BEAN1: variants seen among roughly 807,000 people sequenced by gnomAD.
BEAN1 encodes the protein brain expressed associated with NEDD4 1.
Under a neutral mutation model 17.7 loss-of-function variants are expected in BEAN1, and 17 were observed. The ratio of observed to expected loss-of-function variants is 0.96; its 90% CI spans 0.66 to 1.44. BEAN1 has a LOEUF of 1.44. BEAN1 is among the 40% of genes most tolerant of loss of function. BEAN1 has a pLI of 0.00. For missense variants in BEAN1, 359 were observed against 374.1 expected (o/e 0.96, Z 0.33); for synonymous variants, 142 against 151.8 (o/e 0.94, Z 0.47).
intron 4 of BEAN1, 157 bp downstream of exon 4, chr16:66,477,867 C>T: frequency 1.3e-6 from 1 of 772,882 alleles, no homozygotes; most frequent in Non-Finnish European, 1.9e-6. Flanking sequence ...CCACTCCTGA[C>T]CAAGTAGGTC....
At chr16:66,474,945 G>C (rs1418773352) in intron 3 of BEAN1, among the ~76,000 whole-genome samples, 1 of 152,090 alleles carries the variant, frequency 6.6e-6, no homozygotes. Flanking sequence ...CCCACAGTGG[G>C]GTGTGAGGTA....
chr16:66,474,637 G>GGAGA (rs1567505374), intron 3 of BEAN1, among the ~76,000 whole-genome samples: 3 of 56,380 alleles, frequency 5.3e-5, no homozygotes, highest in Non-Finnish European at 1.1e-4. Flanking sequence ...AGGGAGGGAG[G>GGAGA]GAGGGAGGGA....
Position 66,456,134 on chromosome 16 carries a change from G to C in BEAN1, c.26-13468G>C, listed in dbSNP as rs138955980. The stretch of plus-strand genomic sequence containing the variant: ...CTAGGCTGGTTGAACTTGTTCCAAG[G>C]ACTAAAACCTTTACTGTGCAGAGCA... On this transcript the variant is annotated intron_variant, in intron 2 of 4. Transcript: ENST00000536005. 7.9e-4 allele frequency among the ~76,000 whole-genome samples: 120 copies of C among 152,318 alleles called. 2 individuals carry two copies. The highest frequency in any genetic ancestry group is 2.6e-3 in the African/African-American group (109 of 41,566).
At chr16:66,431,116 AT>A (rs1003041028) in intron 1 of BEAN1, among the ~76,000 whole-genome samples, 1 of 152,168 alleles carries the variant, frequency 6.6e-6, no homozygotes, top group Non-Finnish European at 1.5e-5. Flanking sequence ...AATTAAAAAA[AT>A]TTTTTTCAAT....
intron 1 of BEAN1, among the ~76,000 whole-genome samples, chr16:66,435,114 G>A (rs1385209326): frequency 2.6e-5 from 4 of 152,074 alleles, no homozygotes; most frequent in African/African-American, 9.7e-5. Context: ...GGAATGGCAT[G>A]CTAGGGAGAG....
At chr16:66,487,731 GCT>G (rs1964108530), downstream of BEAN1, among the ~76,000 whole-genome samples, 1 of 152,106 alleles carries the variant, frequency 6.6e-6, no homozygotes, top group South Asian at 2.1e-4. Context: ...TGGCTTCTCT[GCT>G]TCTGTCATCA....
intron 2 of BEAN1, among the ~76,000 whole-genome samples, chr16:66,442,556 C>T (rs1359698631): frequency 6.6e-6 from 1 of 152,116 alleles, no homozygotes. Context: ...GAATCGCAGC[C>T]AGGCAAGGCC....
chr16:66,444,849 C>A (rs1026254120), intron 2 of BEAN1, among the ~76,000 whole-genome samples: 17 of 152,264 alleles, frequency 1.1e-4, no homozygotes, highest in Non-Finnish European at 2.4e-4. Context: ...AGCATTGCCG[C>A]CCTCCAGTTC....
At chr16:66,474,114 A>G (rs1469366657) in intron 3 of BEAN1, among the ~76,000 whole-genome samples, 1 of 152,062 alleles carries the variant, frequency 6.6e-6, no homozygotes, top group Non-Finnish European at 1.5e-5. Flanking sequence ...CCTACTTCCT[A>G]TGCGCATCCT....
At chr16:66,459,225 C>T (rs2142412500) in intron 2 of BEAN1, among the ~76,000 whole-genome samples, 1 of 152,296 alleles carries the variant, frequency 6.6e-6, no homozygotes, top group African/African-American at 2.4e-5. Flanking sequence ...TGCCTCTGCC[C>T]ATTCTGTCCT....
At chr16:66,472,446 G>A (rs1963520355) in intron 3 of BEAN1, among the ~76,000 whole-genome samples, 1 of 152,266 alleles carries the variant, frequency 6.6e-6, no homozygotes, top group Non-Finnish European at 1.5e-5. Flanking sequence ...GCTCATGCCT[G>A]TAATCCTAGC....
At chr16:66,467,277 A>G (rs1963288581) in intron 2 of BEAN1, among the ~76,000 whole-genome samples, 1 of 152,222 alleles carries the variant, frequency 6.6e-6, no homozygotes, top group African/African-American at 2.4e-5. Flanking sequence ...TCATTCTCAC[A>G]TTGCTATGAA....
At chr16:66,458,687 G>A (rs1259149797) in intron 2 of BEAN1, among the ~76,000 whole-genome samples, 2 of 152,126 alleles carry the variant, frequency 1.3e-5, no homozygotes, top group Non-Finnish European at 2.9e-5. Context: ...AACCAGGTGG[G>A]CAATCTTGAA....
At chr16:66,437,883 C>A in intron 2 of BEAN1, 182 bp downstream of exon 2, 1 of 783,666 alleles carries the variant, frequency 1.3e-6, no homozygotes, top group Non-Finnish European at 2.1e-6. Flanking sequence ...CTGCAAGATG[C>A]TCCCTGAGAA....
chr16:66,469,535 C>T (rs1011188985), intron 2 of BEAN1, 67 bp from the exon 3 acceptor site: 25 of 1,446,516 alleles, frequency 1.7e-5, no homozygotes, highest in East Asian at 9.9e-5. Flanking sequence ...CAGGGCAGCA[C>T]GGGCAGAGAA....
chr16:66,478,723 A>T (rs1205232755), intron 4 of BEAN1, among the ~76,000 whole-genome samples: 1 of 152,216 alleles, frequency 6.6e-6, no homozygotes, highest in Non-Finnish European at 1.5e-5. Context: ...TGGTGTCGTT[A>T]CTATTTCGAG....
intron 2 of BEAN1, among the ~76,000 whole-genome samples, chr16:66,462,568 G>A (rs1439160508): frequency 4.6e-5 from 7 of 152,204 alleles, no homozygotes; most frequent in East Asian, 1.9e-4. Context: ...TTGGGAGGCC[G>A]AGGCGGGTGG....
intron 2 of BEAN1, among the ~76,000 whole-genome samples, chr16:66,448,417 T>C (rs1272775830): frequency 6.6e-6 from 1 of 152,224 alleles, no homozygotes; most frequent in Non-Finnish European, 1.5e-5. Flanking sequence ...CTTTTTCTTT[T>C]TTTCCTGAAA....
At position 66,434,752 on chromosome 16, in the gene BEAN1, A is replaced by G. The variant is rs1258493271; in HGVS notation, c.-82-2843A>G. On this transcript the variant is annotated intron_variant, in intron 1 of 4. Transcript: ENST00000536005. The surrounding 1 kb of genome is among the most constrained non-coding windows in gnomAD (Gnocchi z 4.3). ...CCTGGGAAGCATCTCAGCTTTTTGC[A>G]TAGAGATCCTCCTCTTCAGCAAGCC... Among the ~76,000 whole-genome samples, 3 of 152,120 alleles carry G rather than the reference A, an allele frequency of 2.0e-5. No individual in the cohort carries two copies. Among genetic ancestry groups the G allele is most frequent in the Admixed American group, 1.3e-4 (2 of 15,282 alleles).
Sources: gnomAD v4.1 joint callset for allele counts (sites outside exome capture counted in the v4.1 genomes callset) on GRCh38, gnomAD v4.1.1 for gene constraint, Gnocchi (gnomAD v3.1) non-coding constraint, MANE v1.5 for transcripts, NCBI Gene and HGNC (gene_info 2026-07-23, HGNC 2026-07-21) for gene names.